CLUL1: variants seen among roughly 807,000 people sequenced by gnomAD.
The protein encoded by CLUL1 is clusterin like 1.
In CLUL1, 43 loss-of-function variants were observed where a neutral mutation model predicts 49.4. That is an observed-to-expected ratio of 0.87 (90% confidence interval 0.68 to 1.12). CLUL1 has a LOEUF of 1.12. Among genes scored for constraint, CLUL1 ranks in the 50% most tolerant of loss-of-function variants. The probability of loss-of-function intolerance (pLI) is 0.00; values close to 1 mark genes in which losing one functional copy is unlikely to be tolerated. For missense variants in CLUL1, 486 were observed against 544.4 expected, an observed-to-expected ratio of 0.89 and a Z score of 1.07; for synonymous variants, 192 against 184.9, an observed-to-expected ratio of 1.04 and a Z score of -0.31.
At chr18:617,758 C>T (rs1283641132) in intron 2 of CLUL1, among the ~76,000 whole-genome samples, 1 of 128,124 alleles carries the variant, frequency 7.8e-6, no homozygotes, top group Non-Finnish European at 1.8e-5. Flanking sequence ...ACATGGCGGG[C>T]TTTTTTAACT....
intron 4 of CLUL1, among the ~76,000 whole-genome samples, chr18:624,374 T>C (rs1189933279): frequency 6.6e-6 from 1 of 152,164 alleles, no homozygotes; most frequent in African/African-American, 2.4e-5. Context: ...TAACTTGACA[T>C]ACAAGAATTG....
intron 2 of CLUL1, among the ~76,000 whole-genome samples, chr18:613,538 T>G (rs980727736): frequency 6.6e-6 from 1 of 151,164 alleles, no homozygotes; most frequent in Admixed American, 6.6e-5. Context: ...CACAGAAACC[T>G]CCGCCTCCTA....
Position 636,855 on chromosome 18 carries a change from G to C in CLUL1, c.994+3420G>C, listed in dbSNP as rs191400288. The stretch of plus-strand genomic sequence containing the variant: ...TTGGTTAGGCTGGTGGCGAACTCCT[G>C]ACCTCAAGTGATTTGCCTGCCTCTG... On this transcript the variant is annotated intron_variant, in intron 7 of 9. Transcript: ENST00000692774. Among the ~76,000 whole-genome samples the C allele has an allele frequency of 5.4e-3, 813 of 151,910 alleles. 8 individuals carry two copies. The highest frequency in any genetic ancestry group is 8.4e-3 in the Non-Finnish European group (570 of 67,954).
At chr18:643,221 T>C (rs1456591751) in intron 8 of CLUL1, among the ~76,000 whole-genome samples, 5 of 152,250 alleles carry the variant, frequency 3.3e-5, no homozygotes, top group African/African-American at 1.2e-4. Flanking sequence ...TTCCATTTTG[T>C]ATGTGTATAT....
rs2074357500 is a variant in CLUL1, at chr18:642,001, C to T, written c.1209+460C>T. Among the ~76,000 whole-genome samples, 2 of 152,290 alleles carry T rather than the reference C, an allele frequency of 1.3e-5. 1 individual carries two copies. Among genetic ancestry groups the T allele is most frequent in the Middle Eastern group, 6.8e-3 (2 of 294 alleles). Reference sequence around the variant, plus strand: ...ACAATCATAGCTATCTTAACGTGTACACCTATAAAGTGATTAGTATAGATT... The same window carrying T: ...ACAATCATAGCTATCTTAACGTGTATACCTATAAAGTGATTAGTATAGATT... On this transcript the variant is annotated intron_variant, in intron 8 of 9. Coordinates refer to ENST00000692774, the MANE Select transcript of CLUL1 (RefSeq NM_001393344.1).
At chr18:645,730 C>G (rs1382175785) in intron 9 of CLUL1, among the ~76,000 whole-genome samples, 2 of 138,670 alleles carry the variant, frequency 1.4e-5, no homozygotes, top group African/African-American at 5.4e-5. Flanking sequence ...GGAGGCAGAG[C>G]TTGCAGTGAG....
At chr18:649,761 C>T (rs952965602) in intron 9 of CLUL1, 137 bp from the exon 10 acceptor site, 2 of 639,638 alleles carry the variant, frequency 3.1e-6, no homozygotes, top group Admixed American at 2.7e-5. Context: ...TTGCTACATA[C>T]AGTACCAATT....
At chr18:623,118 C>T (rs937167049) in intron 4 of CLUL1, among the ~76,000 whole-genome samples, 1 of 151,126 alleles carries the variant, frequency 6.6e-6, no homozygotes, top group African/African-American at 2.4e-5. Context: ...CTGCAACCTC[C>T]GCCTCCTGGG....
At chr18:639,974 G>A (rs1014056071) in intron 7 of CLUL1, among the ~76,000 whole-genome samples, 1 of 151,956 alleles carries the variant, frequency 6.6e-6, no homozygotes, top group Admixed American at 6.6e-5. Flanking sequence ...GTTAATATTC[G>A]AAAGGGCAAC....
intron 6 of CLUL1, among the ~76,000 whole-genome samples, chr18:631,348 A>T (rs11660198): frequency 0.44 from 66,159 of 151,658 alleles, 14,945 homozygotes; most frequent in East Asian, 0.76. Flanking sequence ...GATGAGATTG[A>T]GTTCTACTGT....
intron 7 of CLUL1, 106 bp downstream of exon 7, chr18:633,541 C>T: frequency 9.6e-7 from 1 of 1,042,424 alleles, no homozygotes; most frequent in Non-Finnish European, 1.4e-6. Context: ...ATAAAATTTT[C>T]TTTTTAATTC....
intron 7 of CLUL1, among the ~76,000 whole-genome samples, chr18:637,524 T>C (rs574304749): frequency 1.1e-3 from 164 of 152,332 alleles, no homozygotes; most frequent in African/African-American, 3.6e-3. Context: ...GCAAATTTTC[T>C]GCCATGGACA....
chr18:612,066 T>G (rs1463454224), intron 2 of CLUL1, among the ~76,000 whole-genome samples: 1 of 152,132 alleles, frequency 6.6e-6, no homozygotes, highest in East Asian at 1.9e-4. Flanking sequence ...CACTTCTCAT[T>G]CTCCAAAGAG....
intron 7 of CLUL1, among the ~76,000 whole-genome samples, chr18:635,807 G>C (rs554206865): frequency 1.8e-4 from 27 of 152,250 alleles, no homozygotes; most frequent in African/African-American, 6.0e-4. Flanking sequence ...CGCGATCTTC[G>C]CTCACTGAAA....
At position 607,089 on chromosome 18, in the gene CLUL1, T is replaced by G; in HGVS notation, c.-24T>G. On this transcript the variant is annotated 5_prime_UTR_variant, in exon 2 of 10. Transcript: ENST00000692774. ...CTCCTACCTCAGCCCCATGAGGACC[T>G]GGGACTACAGGTATGCACCGCTATA... is the stretch of plus-strand genomic sequence containing the variant. 1 of 702,070 alleles carries G rather than the reference T, an allele frequency of 1.4e-6. No homozygotes were observed. Among genetic ancestry groups the G allele is most frequent in the Non-Finnish European group, 2.6e-6 (1 of 384,722 alleles). 43.5% of individuals were successfully genotyped at this position (702,070 alleles called of 1,614,324 possible).
chr18:602,362 G>T (rs983543169), intron 1 of CLUL1, among the ~76,000 whole-genome samples: 18 of 152,124 alleles, frequency 1.2e-4, no homozygotes, highest in African/African-American at 4.3e-4. Flanking sequence ...CCTGCCTCCA[G>T]GAAGGGGGGC....
intron 9 of CLUL1, among the ~76,000 whole-genome samples, chr18:645,623 G>C (rs1457353960): frequency 6.7e-6 from 1 of 150,300 alleles, no homozygotes; most frequent in African/African-American, 2.4e-5. Flanking sequence ...GAGAAACTGC[G>C]TCTCTACTAA....
Position 645,246 on chromosome 18 carries a change from T to C in CLUL1, c.1397+149T>C, listed in dbSNP as rs554834403. 7 of 543,074 alleles carry C rather than the reference T, an allele frequency of 1.3e-5. No individual in the cohort carries two copies. In the South Asian group the frequency reaches 3.3e-4, roughly 25 times the overall value. The allele number at this position is 543,074 out of a possible 1,614,324, so 33.6% of individuals were successfully genotyped here. On this transcript the variant is annotated intron_variant, in intron 9 of 9. Coordinates refer to ENST00000692774, the MANE Select transcript of CLUL1 (RefSeq NM_001393344.1). ...AACAAACAAGATGGCATTTTCTGCCTATCAGATTTGCAAATTAAAAAAAAA... is the reference window on the plus strand; with the variant it reads ...AACAAACAAGATGGCATTTTCTGCCCATCAGATTTGCAAATTAAAAAAAAA...
chr18:638,575 A>T (rs1052277286), intron 7 of CLUL1, among the ~76,000 whole-genome samples: 3 of 152,170 alleles, frequency 2.0e-5, no homozygotes, highest in Non-Finnish European at 4.4e-5. Flanking sequence ...ATGATGTAAT[A>T]GGCCAGCCAT....
Sources: gnomAD v4.1 joint callset for allele counts (sites outside exome capture counted in the v4.1 genomes callset) on GRCh38, gnomAD v4.1.1 for gene constraint, MANE v1.5 for transcripts, NCBI Gene and HGNC (gene_info 2026-07-23, HGNC 2026-07-21) for gene names.